CC2D1A: variants seen among roughly 807,000 people sequenced by gnomAD.
CC2D1A encodes coiled-coil and C2 domain containing 1A, also known as coiled-coil and C2 domain-containing protein 1A.
CC2D1A carries 68 observed loss-of-function variants against 123.8 expected under a neutral mutation model. The ratio of observed to expected loss-of-function variants is 0.55; its 90% CI spans 0.45 to 0.67. CC2D1A has a LOEUF of 0.67. Ranked by LOEUF, CC2D1A falls within the 30% of genes least tolerant of loss-of-function variation. The probability of loss-of-function intolerance (pLI) is 0.00; values close to 1 mark genes in which losing one functional copy is unlikely to be tolerated. For missense variants in CC2D1A, 1,185 were observed against 1,290.3 expected, an observed-to-expected ratio of 0.92 and a Z score of 1.25; for synonymous variants, 477 against 528.0, an observed-to-expected ratio of 0.90 and a Z score of 1.32.
rs1482203010 is a variant in CC2D1A at position 13,925,974 on chromosome 19, G to GTA, written c.1941-542_1941-541insAT. Among the ~76,000 whole-genome samples the GTA allele has an allele frequency of 5.7e-3, 621 of 108,690 alleles. 29 individuals carry two copies. The highest frequency in any genetic ancestry group is 0.027 in the African/African-American group (603 of 22,106). The allele number at this position is 108,690 out of a possible 152,430, so 71.3% of individuals were successfully genotyped here. On this transcript the variant is annotated intron_variant, in intron 17 of 28. Coordinates refer to ENST00000318003, the MANE Select transcript of CC2D1A (RefSeq NM_017721.5). ...TATATATATATACACGTATATATAT[G>GTA]TGTATATATATATACATATATGTGT...
intron 6 of CC2D1A, among the ~76,000 whole-genome samples, chr19:13,915,117 G>A (rs1173825394): frequency 6.6e-6 from 1 of 152,238 alleles, no homozygotes; most frequent in African/African-American, 2.4e-5. Context: ...ATTGTCAACT[G>A]AAACGACCAA....
intron 6 of CC2D1A, among the ~76,000 whole-genome samples, chr19:13,916,032 G>C (rs1971193289): frequency 6.6e-6 from 1 of 151,852 alleles, no homozygotes. Flanking sequence ...AAAGCGGGCG[G>C]ATCACTTGAG....
At chr19:13,922,373 C>G (rs1971439430) in intron 14 of CC2D1A, among the ~76,000 whole-genome samples, 1 of 152,228 alleles carries the variant, frequency 6.6e-6, no homozygotes. Flanking sequence ...ACACCAGGCA[C>G]TCTGCAACCT....
chr19:13,910,320 A>G (rs561158252), intron 2 of CC2D1A, among the ~76,000 whole-genome samples: 1 of 150,024 alleles, frequency 6.7e-6, no homozygotes, highest in Admixed American at 6.7e-5. Context: ...AGGCAGAAGA[A>G]TGGCGTGAAC....
rs10401867 is a variant in CC2D1A, at chr19:13,919,708, G to A, written c.1223-110G>A. 27,727 of 1,137,578 alleles carry A rather than the reference G, an allele frequency of 0.024. 5,038 individuals are homozygous for A. In the African/African-American group the frequency reaches 0.4, roughly 16 times the overall value. The allele number at this position is 1,137,578 out of a possible 1,614,324, so 70.5% of individuals were successfully genotyped here. A position where few individuals can be genotyped will look rare whatever the true frequency, so the allele number is the denominator to read the frequency against. On this transcript the variant is annotated intron_variant, in intron 11 of 28. Coordinates refer to ENST00000318003, the MANE Select transcript of CC2D1A (RefSeq NM_017721.5). Reference sequence around the variant, plus strand: ...AAAAAAAATTAATTAATTAAAAAAAGTAAAGGCCCAAGACTCTATAGGTGG... The same window carrying A: ...AAAAAAAATTAATTAATTAAAAAAAATAAAGGCCCAAGACTCTATAGGTGG...
chr19:13,906,631 C>G lies in CC2D1A; in HGVS notation c.60+130C>G, dbSNP rs1307485638. On this transcript the variant is annotated intron_variant, in intron 1 of 28. Coordinates refer to ENST00000318003, the MANE Select transcript of CC2D1A (RefSeq NM_017721.5). This position sits in a 1 kb window ranked among gnomAD's most constrained non-coding sequence, Gnocchi z 4.1. Reference sequence around the variant, plus strand: ...GTAAGCCCCGGTCCCCGCCTCCCCCCAGGTGAGGCTCCAACACCACCCAAG... The same window carrying G: ...GTAAGCCCCGGTCCCCGCCTCCCCCGAGGTGAGGCTCCAACACCACCCAAG... 7 of 554,914 alleles carry G rather than the reference C, an allele frequency of 1.3e-5. No homozygotes were observed. The highest frequency in any genetic ancestry group is 4.8e-4 in the Middle Eastern group (1 of 2,076). The allele number at this position is 554,914 out of a possible 1,614,324, so 34.4% of individuals were successfully genotyped here.
chr19:13,918,468 G>A, intron 7 of CC2D1A, 36 bp from the exon 8 acceptor site: 1 of 1,597,970 alleles, frequency 6.3e-7, no homozygotes, highest in East Asian at 2.2e-5. Flanking sequence ...GCCCCCAACT[G>A]CACCTCTTCT....
chr19:13,909,794 G>T (rs761684254), intron 1 of CC2D1A, 29 bp from the exon 2 acceptor site: 14 of 1,605,598 alleles, frequency 8.7e-6, no homozygotes, highest in Non-Finnish European at 1.2e-5. Context: ...TGAACCAAAG[G>T]TCTGACTGAA....
chr19:13,929,986 G>A (rs1208419825), intron 26 of CC2D1A, 92 bp from the exon 27 acceptor site: 5 of 1,347,268 alleles, frequency 3.7e-6, no homozygotes, highest in Middle Eastern at 2.4e-4. Context: ...GGCACCTGGC[G>A]GGGGACGGGC....
chr19:13,908,880 T>C (rs1970890322), intron 1 of CC2D1A, among the ~76,000 whole-genome samples: 1 of 151,728 alleles, frequency 6.6e-6, no homozygotes, highest in Non-Finnish European at 1.5e-5. Flanking sequence ...CTTTTTTTCC[T>C]TCCTTCCCTC....
intron 14 of CC2D1A, among the ~76,000 whole-genome samples, chr19:13,922,613 T>C (rs1971446943): frequency 6.6e-6 from 1 of 152,166 alleles, no homozygotes; most frequent in Non-Finnish European, 1.5e-5. Flanking sequence ...GATTTACTTA[T>C]TTCTTCTGAT....
At chr19:13,922,351 T>C (rs1198504600) in intron 14 of CC2D1A, among the ~76,000 whole-genome samples, 6 of 152,280 alleles carry the variant, frequency 3.9e-5, no homozygotes, top group Non-Finnish European at 7.4e-5. Flanking sequence ...CCTTGCTGTC[T>C]GGTAGCCTCA....
At chr19:13,913,805 T>C (rs1161402368) in intron 6 of CC2D1A, among the ~76,000 whole-genome samples, 167 bp downstream of exon 6, 2 of 152,198 alleles carry the variant, frequency 1.3e-5, no homozygotes, top group Admixed American at 1.3e-4. Context: ...AAGCAGGACA[T>C]GGATACCCAG....
chr19:13,907,626 C>T (rs193280020), intron 1 of CC2D1A, among the ~76,000 whole-genome samples: 13 of 151,852 alleles, frequency 8.6e-5, no homozygotes, highest in African/African-American at 1.2e-4. Context: ...GAGCTGAGAT[C>T]GCGCCACTGC....
In CC2D1A at chr19:13,927,952, G is replaced by A. The variant is rs1242919652; in HGVS notation, c.2376G>A (p.Glu792=). 6.2e-7 allele frequency: 1 copy of A among 1,613,694 alleles called. No homozygotes were observed. Among genetic ancestry groups the A allele is most frequent in the South Asian group, 1.1e-5 (1 of 91,080 alleles). The change falls in exon 23 of 29, where the codon GAG becomes GAA. Residue 792 remains glutamate, a synonymous_variant. Coordinates refer to ENST00000318003, the MANE Select transcript of CC2D1A (RefSeq NM_017721.5). ...TGGAGGTAATGGTCCGGATTCGGGA[G>A]CCACTGACAGCCCAGCAGTTGGAGA... ...GRLEVMVRIR[E]PLTAQQLETT...
rs558611464 is a variant in CC2D1A, at chr19:13,924,233, T to C, written c.1940+422T>C. Among the ~76,000 whole-genome samples, 85 of 150,042 alleles carry C rather than the reference T, an allele frequency of 5.7e-4. 1 individual carries two copies. In the South Asian group the frequency reaches 0.018, roughly 31 times the overall value. On this transcript the variant is annotated intron_variant, in intron 17 of 28. Coordinates refer to ENST00000318003, the MANE Select transcript of CC2D1A (RefSeq NM_017721.5). The stretch of plus-strand genomic sequence containing the variant: ...TTGCCCAGGCTGGAGTGCAGGGGTG[T>C]GATCTCTGCTCACTGCAAGCTCCAC...
At chr19:13,912,634 A>G (rs1379902306) in intron 4 of CC2D1A, 41 bp downstream of exon 4, 3 of 1,597,464 alleles carry the variant, frequency 1.9e-6, no homozygotes, top group Non-Finnish European at 2.6e-6. Flanking sequence ...CCACAACCCA[A>G]CGGACAGCCC....
chr19:13,925,963 C>T lies in CC2D1A; in HGVS notation c.1941-554C>T, dbSNP rs1365640907. Among the ~76,000 whole-genome samples the T allele has an allele frequency of 1.6e-3, 131 of 82,764 alleles. 2 individuals carry two copies. Among genetic ancestry groups the T allele is most frequent in the African/African-American group, 8.4e-3 (120 of 14,238 alleles). The allele number at this position is 82,764 out of a possible 152,430, so 54.3% of individuals were successfully genotyped here. On this transcript the variant is annotated intron_variant, in intron 17 of 28. Transcript: ENST00000318003. ...ATATATATATATATATATATATACA[C>T]GTATATATATGTGTATATATATATA... is the stretch of plus-strand genomic sequence containing the variant.
intron 2 of CC2D1A, among the ~76,000 whole-genome samples, chr19:13,910,377 C>T (rs1053952743): frequency 6.7e-5 from 9 of 135,090 alleles, no homozygotes; most frequent in Admixed American, 3.4e-4. Flanking sequence ...CACTGCGCTA[C>T]AGCCTGGGCG....
Sources: allele counts gnomAD v4.1 joint callset (sites outside exome capture counted in the v4.1 genomes callset), GRCh38; gene constraint gnomAD v4.1.1; non-coding constraint Gnocchi (gnomAD v3.1); transcripts MANE v1.5; gene names NCBI Gene and HGNC (gene_info 2026-07-23, HGNC 2026-07-21).